ERBB4: variants seen among roughly 807,000 people sequenced by gnomAD.
ERBB4 encodes the protein receptor tyrosine-protein kinase erbB-4.
ERBB4 carries 42 observed loss-of-function variants against 158.0 expected under a neutral mutation model. The observed-to-expected ratio is 0.27, with a 90% CI of 0.21 to 0.34. ERBB4 has a LOEUF of 0.34. Among genes scored for constraint, ERBB4 ranks in the 10% least tolerant of loss-of-function variants. ERBB4 has a pLI of 1.00. For synonymous variants in ERBB4, 583 were observed against 558.7 expected, an observed-to-expected ratio of 1.04 and a Z score of -0.61; for missense variants, 1,333 against 1,624.1, an observed-to-expected ratio of 0.82 and a Z score of 3.08.
At chr2:212,416,526 A>C (rs1400514211) in intron 1 of ERBB4, among the ~76,000 whole-genome samples, 1 of 152,102 alleles carries the variant, frequency 6.6e-6, no homozygotes, top group Non-Finnish European at 1.5e-5. Context: ...AAAACTCTTG[A>C]GTTTCAAACT....
chr2:212,044,020 T>C (rs1464179534), intron 2 of ERBB4, among the ~76,000 whole-genome samples: 2 of 152,150 alleles, frequency 1.3e-5, no homozygotes, highest in African/African-American at 4.8e-5. Context: ...TCGAGTGCTA[T>C]AGTTTCTCAT....
At chr2:211,868,117 T>C (rs532567358) in intron 3 of ERBB4, among the ~76,000 whole-genome samples, 1 of 152,334 alleles carries the variant, frequency 6.6e-6, no homozygotes, top group South Asian at 2.1e-4. Context: ...TCTTTGCAGA[T>C]TTTAAGTCAG....
intron 20 of ERBB4, among the ~76,000 whole-genome samples, chr2:211,461,460 C>G (rs552810346): frequency 6.6e-6 from 1 of 152,264 alleles, no homozygotes; most frequent in African/African-American, 2.4e-5. Context: ...GTCAGAGGAT[C>G]TGTGGTGGTA....
intron 2 of ERBB4, among the ~76,000 whole-genome samples, chr2:211,985,279 G>A (rs1424103948): frequency 6.6e-6 from 1 of 152,114 alleles, no homozygotes; most frequent in Admixed American, 6.5e-5. Context: ...AAGAAAGAAG[G>A]AAGGGAGTAA....
At chr2:212,301,018 C>T (rs1001750194) in intron 1 of ERBB4, among the ~76,000 whole-genome samples, 4 of 151,388 alleles carry the variant, frequency 2.6e-5, no homozygotes, top group African/African-American at 9.7e-5. Flanking sequence ...CAAGAATATG[C>T]TTCCATTAAA....
chr2:212,286,767 A>ATTTTTTTTTTTTTTATTTTTTTTTT (rs2085996174), intron 1 of ERBB4, among the ~76,000 whole-genome samples: 1 of 39,562 alleles, frequency 2.5e-5, no homozygotes. Flanking sequence ...ATGAGGGTTA[A>ATTTTTTTTTTTTTTATTTTTTTTTT]TTTTTTTTTT....
chr2:212,062,741 T>C (rs1303536291), intron 2 of ERBB4, among the ~76,000 whole-genome samples: 1 of 152,080 alleles, frequency 6.6e-6, no homozygotes, highest in Non-Finnish European at 1.5e-5. Context: ...GCATCTCAGA[T>C]GGAATCAATT....
At chr2:211,721,927 G>A (rs1462753756) in intron 7 of ERBB4, among the ~76,000 whole-genome samples, 3 of 151,952 alleles carry the variant, frequency 2.0e-5, no homozygotes, top group Admixed American at 1.3e-4. Flanking sequence ...CAGTGGCACC[G>A]TCTCGGCTCA....
chr2:212,326,039 C>T (rs1337578227), intron 1 of ERBB4, among the ~76,000 whole-genome samples: 1 of 150,428 alleles, frequency 6.6e-6, no homozygotes, highest in South Asian at 2.1e-4. Flanking sequence ...GAGGCCCAAA[C>T]AGCCAGCCAA....
chr2:212,248,497 G>T (rs1228808553), intron 1 of ERBB4, among the ~76,000 whole-genome samples: 1 of 152,112 alleles, frequency 6.6e-6, no homozygotes, highest in Admixed American at 6.6e-5. Flanking sequence ...TAATGGCCAT[G>T]CTGTATATGA....
chr2:212,345,092 C>T (rs576333859), intron 1 of ERBB4, among the ~76,000 whole-genome samples: 40 of 151,516 alleles, frequency 2.6e-4, no homozygotes, highest in African/African-American at 7.3e-4. Flanking sequence ...GGTGAAACCC[C>T]GTCTCTACTA....
chr2:211,665,872 A>T (rs2071612037), intron 14 of ERBB4, among the ~76,000 whole-genome samples: 1 of 152,210 alleles, frequency 6.6e-6, no homozygotes, highest in East Asian at 1.9e-4. Context: ...TATTTCTGGC[A>T]ATATTATAGT....
chr2:211,382,046 A>T lies in ERBB4; in HGVS notation c.*1569T>A, dbSNP rs2062581881. 6 of 229,410 alleles carry T rather than the reference A, an allele frequency of 2.6e-5. No individual in the cohort carries two copies. The South Asian group carries it at 9.1e-4, about 35-fold the overall frequency. 14.2% of individuals were successfully genotyped at this position (229,410 alleles called of 1,614,324 possible). On this transcript the variant is annotated 3_prime_UTR_variant, in exon 28 of 28. Transcript: ENST00000342788. ...AGTATATGAAGAAAGGGAATTATAT[A>T]AAGTATCAAAAGATTAGTGTGTTGG...
chr2:212,457,548 T>G (rs1410635327), intron 1 of ERBB4, among the ~76,000 whole-genome samples: 1 of 152,086 alleles, frequency 6.6e-6, no homozygotes, highest in Non-Finnish European at 1.5e-5. Flanking sequence ...TCCTGTGATA[T>G]CTCTAGAATT....
Position 212,322,431 on chromosome 2 carries a change from TAAA to T in ERBB4, c.83-197531_83-197529del, listed in dbSNP as rs34964796. The stretch of plus-strand genomic sequence containing the variant: ...AAAATCCAAACCTCTTTAAAAGCTA[TAAA>T]AAAAAATCCACTATTTTAAAAACTA... On this transcript the variant is annotated intron_variant, in intron 1 of 27. Transcript: ENST00000342788. Among the ~76,000 whole-genome samples, 814 of 149,508 alleles carry T rather than the reference TAAA, an allele frequency of 5.4e-3. 12 individuals carry two copies. The highest frequency in any genetic ancestry group is 0.018 in the African/African-American group (722 of 41,098).
intron 1 of ERBB4, among the ~76,000 whole-genome samples, chr2:212,512,083 C>T (rs910213914): frequency 2.4e-4 from 36 of 152,108 alleles, no homozygotes; most frequent in African/African-American, 6.3e-4. Flanking sequence ...AATGAAATGA[C>T]GATAATAGGC....
intron 22 of ERBB4, among the ~76,000 whole-genome samples, chr2:211,424,926 A>G (rs1429292688): frequency 6.6e-6 from 1 of 152,178 alleles, no homozygotes; most frequent in African/African-American, 2.4e-5. Flanking sequence ...TGAAGGGGAT[A>G]GAAAGTAGTT....
chr2:212,202,443 G>C (rs551296475), intron 1 of ERBB4, among the ~76,000 whole-genome samples: 59 of 152,058 alleles, frequency 3.9e-4, no homozygotes, highest in African/African-American at 1.2e-3. Context: ...TGACCTCCTG[G>C]GCTCAAGTGA....
intron 2 of ERBB4, among the ~76,000 whole-genome samples, chr2:212,095,059 G>A (rs13395352): frequency 0.69 from 104,542 of 151,910 alleles, 40,342 homozygotes; most frequent in East Asian, 1. Context: ...GGGGAAGAGG[G>A]ACTACCTTTG....
Sources: gnomAD v4.1 joint callset for allele counts (sites outside exome capture counted in the v4.1 genomes callset) on GRCh38, gnomAD v4.1.1 for gene constraint, MANE v1.5 for transcripts, NCBI Gene and HGNC (gene_info 2026-07-23, HGNC 2026-07-21) for gene names.